Variants in SLC4A4 observed in about 807,000 individuals in gnomAD.
SLC4A4 encodes the protein electrogenic sodium bicarbonate cotransporter 1.
SLC4A4 carries 27 observed loss-of-function variants against 111.5 expected under a neutral mutation model. The ratio of observed to expected loss-of-function variants is 0.24; its 90% confidence interval spans 0.18 to 0.33. The LOEUF is 0.33. Ranked by LOEUF, SLC4A4 falls within the 10% of genes least tolerant of loss-of-function variation. SLC4A4 has a pLI of 1.00. For synonymous variants in SLC4A4, 443 were observed against 463.4 expected, an observed-to-expected ratio of 0.96 and a Z score of 0.57; for missense variants, 909 against 1,315.5, an observed-to-expected ratio of 0.69 and a Z score of 4.78.
At chr4:71,252,792 T>C (rs1721153980) in intron 2 of SLC4A4, among the ~76,000 whole-genome samples, 1 of 152,130 alleles carries the variant, frequency 6.6e-6, no homozygotes, top group Non-Finnish European at 1.5e-5. Context: ...TCTTTTTGGA[T>C]TGGTGGAAAT....
At chr4:71,130,111 C>A (rs1743662631) in intron 2 of SLC4A4, among the ~76,000 whole-genome samples, 1 of 152,200 alleles carries the variant, frequency 6.6e-6, no homozygotes, top group Non-Finnish European at 1.5e-5. Context: ...GACAAACCTG[C>A]ACATGTACCC....
intron 16 of SLC4A4, among the ~76,000 whole-genome samples, chr4:71,504,605 G>A (rs1201459292): frequency 7.3e-6 from 1 of 136,066 alleles, no homozygotes; most frequent in Non-Finnish European, 1.7e-5. Flanking sequence ...AATTCCTTTT[G>A]ATCTATTCTA....
At chr4:71,476,474 T>C (rs1728385069) in intron 14 of SLC4A4, among the ~76,000 whole-genome samples, 1 of 151,698 alleles carries the variant, frequency 6.6e-6, no homozygotes, top group African/African-American at 2.4e-5. Context: ...GAACCAGCAA[T>C]TGCACAGATG....
chr4:71,395,074 C>CAA (rs1224586296), intron 6 of SLC4A4, among the ~76,000 whole-genome samples: 3 of 152,010 alleles, frequency 2.0e-5, no homozygotes, highest in Non-Finnish European at 4.4e-5. Context: ...ATGGGAAAAA[C>CAA]AAAATAAAAT....
intron 1 of SLC4A4, among the ~76,000 whole-genome samples, chr4:71,231,122 G>T (rs578107567): frequency 6.6e-6 from 1 of 152,228 alleles, no homozygotes; most frequent in Non-Finnish European, 1.5e-5. Context: ...GGGAGGGCAA[G>T]TAAGGCGAAT....
chr4:71,097,838 G>A (rs1032134893), intron 2 of SLC4A4, among the ~76,000 whole-genome samples: 15 of 152,006 alleles, frequency 9.9e-5, no homozygotes, highest in African/African-American at 3.6e-4. Flanking sequence ...TGAGGTCTCT[G>A]TTCATGTCCT....
At chr4:71,475,375 T>C (rs186906226) in intron 14 of SLC4A4, among the ~76,000 whole-genome samples, 7 of 152,024 alleles carry the variant, frequency 4.6e-5, no homozygotes, top group African/African-American at 1.7e-4. Flanking sequence ...AAAAGTACTA[T>C]GGTTTTACAT....
chr4:71,324,388 A>G (rs1365561623), intron 3 of SLC4A4, among the ~76,000 whole-genome samples: 3 of 152,016 alleles, frequency 2.0e-5, no homozygotes, highest in African/African-American at 7.2e-5. Context: ...TAATATGCTT[A>G]ATATAATTAC....
intron 16 of SLC4A4, among the ~76,000 whole-genome samples, chr4:71,526,848 T>C (rs573934351): frequency 1.3e-5 from 2 of 152,022 alleles, no homozygotes; most frequent in Admixed American, 1.3e-4. Context: ...GCCTGCATTC[T>C]TTGGCTCATG....
intron 1 of SLC4A4, among the ~76,000 whole-genome samples, chr4:71,227,398 A>G (rs1017008540): frequency 3.3e-5 from 5 of 152,158 alleles, no homozygotes; most frequent in Non-Finnish European, 5.9e-5. Context: ...TGTTTTATAA[A>G]TGGATGGCTT....
At chr4:71,431,717 T>C (rs555052451) in intron 7 of SLC4A4, among the ~76,000 whole-genome samples, 158 of 152,224 alleles carry the variant, frequency 1.0e-3, no homozygotes, top group Middle Eastern at 3.4e-3. Context: ...CCTTAAAATA[T>C]ATACTTCTAA....
At chr4:71,465,021 A>C (rs895689991) in intron 12 of SLC4A4, among the ~76,000 whole-genome samples, 1 of 152,168 alleles carries the variant, frequency 6.6e-6, no homozygotes, top group South Asian at 2.1e-4. Flanking sequence ...GAGGTGGCCT[A>C]GTGAGGCTGA....
intron 15 of SLC4A4, among the ~76,000 whole-genome samples, chr4:71,494,333 A>T (rs189290767): frequency 6.6e-6 from 1 of 152,152 alleles, no homozygotes; most frequent in Non-Finnish European, 1.5e-5. Context: ...TTTTCTTCAG[A>T]GACAGGATTT....
At chr4:71,350,099 T>C (rs1475774301) in intron 5 of SLC4A4, 27 bp downstream of exon 5, 1 of 1,613,522 alleles carries the variant, frequency 6.2e-7, no homozygotes, top group East Asian at 2.2e-5. Context: ...AATTTTATCC[T>C]ATTTTTTTCG....
At chr4:71,386,221 T>C (rs533297429) in intron 6 of SLC4A4, among the ~76,000 whole-genome samples, 22 of 152,224 alleles carry the variant, frequency 1.4e-4, no homozygotes, top group Admixed American at 1.4e-3. Flanking sequence ...CACTTTTGGA[T>C]TTTTATTTTC....
rs1027968783 is a variant in SLC4A4, at chr4:71,173,443, C to T, written c.-1-63133C>T. Among the ~76,000 whole-genome samples, 13 of 152,208 alleles carry T rather than the reference C, an allele frequency of 8.5e-5. No homozygotes were observed. In the East Asian group the frequency reaches 1.9e-3, roughly 23 times the overall value. ...TCACCCAGGCTGGAGTGCAGTGGCA[C>T]GATCTCAGCTCACTGCAACCTCCAC... On this transcript the variant is annotated intron_variant, in intron 2 of 26. Transcript: ENST00000649996.
At chr4:71,497,808 G>A (rs1158262628) in intron 16 of SLC4A4, 116 bp downstream of exon 16, 22 of 858,818 alleles carry the variant, frequency 2.6e-5, no homozygotes, top group East Asian at 1.8e-4. Context: ...AATTTTGTGC[G>A]TTTTAAACAT....
At chr4:71,376,156 T>TAC (rs146405766) in intron 6 of SLC4A4, among the ~76,000 whole-genome samples, 26,585 of 135,284 alleles carry the variant, frequency 0.2, 2,723 homozygotes, top group South Asian at 0.26. Context: ...CCTGTATATA[T>TAC]ACACACACAC....
intron 2 of SLC4A4, among the ~76,000 whole-genome samples, chr4:71,176,268 G>A (rs1321122242): frequency 6.6e-6 from 1 of 152,208 alleles, no homozygotes; most frequent in Non-Finnish European, 1.5e-5. Context: ...AAAAATCAGA[G>A]TGCCTCTCCT....
Sources: gnomAD v4.1 joint callset for allele counts (sites outside exome capture counted in the v4.1 genomes callset) on GRCh38, gnomAD v4.1.1 for gene constraint, MANE v1.5 for transcripts, NCBI Gene and HGNC (gene_info 2026-07-23, HGNC 2026-07-21) for gene names.